The following MACROD2 variants were observed in gnomAD, a reference collection of about 807,000 sequenced individuals.
MACROD2 encodes ADP-ribose glycohydrolase MACROD2.
Under a neutral mutation model 70.4 loss-of-function variants are expected in MACROD2, and 36 were observed. The observed-to-expected ratio is 0.51, with a 90% CI of 0.39 to 0.68. The LOEUF (loss-of-function observed/expected upper bound fraction) is 0.68. Among genes scored for constraint, MACROD2 ranks in the 30% least tolerant of loss-of-function variants. MACROD2 has a pLI of 0.00. For synonymous variants in MACROD2, 172 were observed against 178.8 expected, an observed-to-expected ratio of 0.96 and a Z score of 0.30; for missense variants, 496 against 538.4, an observed-to-expected ratio of 0.92 and a Z score of 0.78.
At chr20:14,182,355 G>A (rs376986393) in intron 3 of MACROD2, among the ~76,000 whole-genome samples, 28 of 151,990 alleles carry the variant, frequency 1.8e-4, no homozygotes, top group Middle Eastern at 3.4e-3. Context: ...GAGTTGTTAG[G>A]TTTTTTCATA....
intron 3 of MACROD2, among the ~76,000 whole-genome samples, chr20:14,450,795 G>T (rs35631624): frequency 0.16 from 23,614 of 152,032 alleles, 2,615 homozygotes; most frequent in Non-Finnish European, 0.23. Context: ...GTACCTGAAG[G>T]AAAAGGGGCT....
chr20:15,615,035 C>T (rs1035283434), intron 8 of MACROD2, among the ~76,000 whole-genome samples: 8 of 152,190 alleles, frequency 5.3e-5, no homozygotes, highest in Non-Finnish European at 1.2e-4. Flanking sequence ...GGCCCCTAAA[C>T]ATGCCTTCCC....
In MACROD2 at chr20:15,012,565, A is replaced by C. The variant is rs952734304; in HGVS notation, c.419-217375A>C. ...GCCAATGGGAAGGAGTACACTTTTAAAATGTGGTACAGTTGGTGCTGAAGT... is the reference window on the plus strand; with the variant it reads ...GCCAATGGGAAGGAGTACACTTTTACAATGTGGTACAGTTGGTGCTGAAGT... On this transcript the variant is annotated intron_variant, in intron 5 of 17. Coordinates refer to ENST00000684519, the MANE Select transcript of MACROD2 (RefSeq NM_001351661.2). Among the ~76,000 whole-genome samples, 7 of 152,114 alleles carry C rather than the reference A, an allele frequency of 4.6e-5. No homozygotes were observed. The East Asian group carries it at 1.2e-3, about 25-fold the overall frequency.
chr20:15,578,543 T>C (rs979900495), intron 8 of MACROD2, among the ~76,000 whole-genome samples: 1 of 22,578 alleles, frequency 4.4e-5, no homozygotes, highest in African/African-American at 5.4e-5. Context: ...CCAAACTAAA[T>C]GCCATATGCC....
At chr20:14,652,849 T>G (rs1331587290) in intron 4 of MACROD2, among the ~76,000 whole-genome samples, 1 of 152,154 alleles carries the variant, frequency 6.6e-6, no homozygotes, top group Admixed American at 6.5e-5. Context: ...GAATTAGGAT[T>G]TAGGTAATGT....
At chr20:15,553,025 C>T (rs1372793195) in intron 8 of MACROD2, 2 of 152,164 alleles carry the variant, frequency 1.3e-5, no homozygotes, top group Non-Finnish European at 1.5e-5. Flanking sequence ...CTAAAAATTT[C>T]CAGAGAAAGT....
intron 3 of MACROD2, among the ~76,000 whole-genome samples, chr20:14,349,909 C>T (rs1313605657): frequency 4.6e-5 from 7 of 151,144 alleles, no homozygotes; most frequent in South Asian, 2.1e-4. Flanking sequence ...CCACCACGCC[C>T]GGCTAATTTT....
At chr20:14,532,683 G>A (rs1156383943) in intron 4 of MACROD2, among the ~76,000 whole-genome samples, 2 of 152,058 alleles carry the variant, frequency 1.3e-5, no homozygotes, top group African/African-American at 2.4e-5. Context: ...TTTCAGATGT[G>A]GTGACTTGGT....
intron 5 of MACROD2, among the ~76,000 whole-genome samples, chr20:15,034,196 T>C (rs1261670253): frequency 1.3e-5 from 2 of 152,194 alleles, no homozygotes; most frequent in Non-Finnish European, 2.9e-5. Context: ...AAGACATTAT[T>C]GCATTTTGCA....
intron 3 of MACROD2, among the ~76,000 whole-genome samples, chr20:14,144,626 T>C (rs924694380): frequency 1.3e-5 from 2 of 152,234 alleles, no homozygotes; most frequent in African/African-American, 4.8e-5. Flanking sequence ...AATAATTGAA[T>C]TTACAGTTAA....
intron 1 of MACROD2, among the ~76,000 whole-genome samples, chr20:13,997,404 G>A (rs535687954): frequency 6.6e-6 from 1 of 152,152 alleles, no homozygotes; most frequent in South Asian, 2.1e-4. Flanking sequence ...TGAAATGTTC[G>A]CTTTGTATAA....
chr20:15,042,027 C>T (rs946410655), intron 5 of MACROD2, among the ~76,000 whole-genome samples: 2 of 151,936 alleles, frequency 1.3e-5, no homozygotes, highest in Non-Finnish European at 2.9e-5. Flanking sequence ...AGAAGATTAG[C>T]GAGAGGATTT....
intron 5 of MACROD2, chr20:15,196,861 A>G: frequency 4.1e-6 from 4 of 985,378 alleles, no homozygotes; most frequent in South Asian, 4.7e-5. Context: ...ATATGCCACT[A>G]TCGAGAAGCA....
chr20:15,751,805 T>C (rs62194682), intron 8 of MACROD2, among the ~76,000 whole-genome samples: 17,202 of 150,356 alleles, frequency 0.11, 1,099 homozygotes, highest in Admixed American at 0.15. Flanking sequence ...GGGGGAAGAG[T>C]GACACAAAAA....
intron 5 of MACROD2, among the ~76,000 whole-genome samples, chr20:15,038,215 C>T (rs531338030): frequency 1.3e-5 from 2 of 152,098 alleles, no homozygotes; most frequent in African/African-American, 4.8e-5. Context: ...TTGGTATGAT[C>T]GAAAATAGAA....
At chr20:15,082,533 T>TG in intron 5 of MACROD2, among the ~76,000 whole-genome samples, 1 of 138,480 alleles carries the variant, frequency 7.2e-6, no homozygotes, top group Non-Finnish European at 1.6e-5. Flanking sequence ...GTTTTTTTTT[T>TG]TTTTTTTTTT....
chr20:15,534,137 T>C (rs559784998), intron 8 of MACROD2, among the ~76,000 whole-genome samples: 2 of 152,326 alleles, frequency 1.3e-5, no homozygotes, highest in Admixed American at 1.3e-4. Flanking sequence ...CATTATACCA[T>C]GCTGATGGAA....
intron 5 of MACROD2, among the ~76,000 whole-genome samples, chr20:14,807,708 G>A (rs904254003): frequency 4.6e-5 from 7 of 152,078 alleles, no homozygotes; most frequent in Admixed American, 3.9e-4. Context: ...AAGGTTAGAG[G>A]AACGGCTAAG....
chr20:14,120,596 A>G (rs1218875077), intron 3 of MACROD2, among the ~76,000 whole-genome samples: 1 of 151,944 alleles, frequency 6.6e-6, no homozygotes, highest in Non-Finnish European at 1.5e-5. Flanking sequence ...AGCACTATTT[A>G]CAATAGCAAA....
Sources: gnomAD v4.1 joint callset for allele counts (sites outside exome capture counted in the v4.1 genomes callset) on GRCh38, gnomAD v4.1.1 for gene constraint, MANE v1.5 for transcripts, NCBI Gene and HGNC (gene_info 2026-07-23, HGNC 2026-07-21) for gene names.